ZFHX2: variants seen among roughly 807,000 people sequenced by gnomAD.
ZFHX2 encodes zinc finger homeobox protein 2.
ZFHX2 carries 75 observed loss-of-function variants against 164.8 expected under a neutral mutation model. That is an observed-to-expected ratio of 0.46 (90% CI 0.38 to 0.55). The LOEUF is 0.55. Ranked by LOEUF, ZFHX2 falls within the 20% of genes least tolerant of loss-of-function variation. The pLI is 0.00. For synonymous variants in ZFHX2, 1,217 were observed against 1,351.4 expected (o/e 0.90, Z 2.18); for missense variants, 2,933 against 3,308.0 (o/e 0.89, Z 2.78).
At position 23,546,568 on chromosome 14, in the gene ZFHX2, G is replaced by A. The variant is rs941406216; in HGVS notation, c.-50+4775C>T. Among the ~76,000 whole-genome samples the A allele has an allele frequency of 7.2e-5, 11 of 152,150 alleles. No homozygotes were observed. The highest frequency in any genetic ancestry group is 2.6e-4 in the Admixed American group (4 of 15,282). ...CTGAGAGCCCATGGGATTACCCTAC[G>A]GGGCTGGAAGTTACTTCTAAATCTT... On this transcript the variant is annotated intron_variant, in intron 1 of 9. Coordinates refer to ENST00000419474, the MANE Select transcript of ZFHX2 (RefSeq NM_033400.3). This position sits in a 1 kb window ranked among gnomAD's most constrained non-coding sequence, Gnocchi z 4.7.
chr14:23,529,845 G>A, intron 5 of ZFHX2, 77 bp from the exon 6 acceptor site: 3 of 1,429,354 alleles, frequency 2.1e-6, no homozygotes, highest in South Asian at 2.5e-5. Context: ...TTCCAGGGTA[G>A]GGAGTTGGGC....
Position 23,525,261 on chromosome 14 carries a change from C to T in ZFHX2, c.4681G>A (p.Gly1561Arg). 1 of 1,536,116 alleles carries T rather than the reference C, an allele frequency of 6.5e-7. No homozygotes were observed. The highest frequency in any genetic ancestry group is 8.7e-7 in the Non-Finnish European group (1 of 1,146,912). The change falls in exon 9 of 10, where the codon GGG (glycine) becomes AGG (arginine). Residue 1561 changes from glycine (G) to arginine (R), a missense_variant. By Grantham distance (125) the Gly-to-Arg change is moderately radical (BLOSUM62 -2). Coordinates refer to ENST00000419474, the MANE Select transcript of ZFHX2 (RefSeq NM_033400.3). This position sits in a 1 kb window ranked among gnomAD's most constrained non-coding sequence, Gnocchi z 5.9. Reference protein sequence around the residue: ...PFLVPEPEAGGTRAPEERSRA... With the variant: ...PFLVPEPEAGRTRAPEERSRA... ...CTTCGCTCTTCAGGGGCACGGGTCC[C>T]CCCTGCCTCAGGCTCTGGGACCAGG...
Position 23,524,774 on chromosome 14 carries a change from T to C in ZFHX2, c.5168A>G (p.Gln1723Arg). The change falls in exon 9 of 10, where the codon CAG becomes CGG. Residue 1723 changes from glutamine to arginine, a missense_variant. Transcript: ENST00000419474. This position sits in a 1 kb window ranked among gnomAD's most constrained non-coding sequence, Gnocchi z 5.6. The stretch of plus-strand genomic sequence containing the variant: ...AGGCCCTGCTGGAGGTTCAAGGCCC[T>C]GTTCCTCCTCTACTTCTTCTTCTTC... ...EVEEEEVEEE[Q>R]GLEPPAGPEG... is the part of the protein sequence containing the mutation. The C allele has an allele frequency of 6.5e-7, 1 of 1,536,582 alleles. No individual in the cohort carries two copies. Among genetic ancestry groups the C allele is most frequent in the Non-Finnish European group, 8.7e-7 (1 of 1,146,996 alleles).
At chr14:23,527,866 A>T in intron 6 of ZFHX2, 62 bp from the exon 7 acceptor site, 4 of 1,250,444 alleles carry the variant, frequency 3.2e-6, no homozygotes, top group Non-Finnish European at 4.4e-6. Flanking sequence ...ACCATCACAT[A>T]GTCCTTTGGA....
At position 23,526,221 on chromosome 14, in the gene ZFHX2, T is replaced by C. The variant is rs1269758638; in HGVS notation, c.3721A>G (p.Thr1241Ala). ...RGEAGAPPTT[T>A]AATDKPFKCT... ...TTAAAGGGCTTGTCTGTGGCAGCAG[T>C]GGTGGTGGGTGGGGCACCGGCCTCT... is the stretch of plus-strand genomic sequence containing the variant. The change falls in exon 9 of 10, where the codon ACT becomes GCT. Residue 1241 changes from threonine to alanine, a missense_variant. Coordinates refer to ENST00000419474, the MANE Select transcript of ZFHX2 (RefSeq NM_033400.3). 6.5e-7 allele frequency: 1 copy of C among 1,536,172 alleles called. No individual in the cohort carries two copies. Among genetic ancestry groups the C allele is most frequent in the South Asian group, 1.2e-5 (1 of 84,042 alleles).
chr14:23,521,701 G>A lies in ZFHX2; in HGVS notation c.*261C>T. ...AATCAGGGTGCCAAGATGGGTGTAT[G>A]TGTCTGTGAAGATGGGCAAGGGCTA... On this transcript the variant is annotated 3_prime_UTR_variant, in exon 10 of 10. Coordinates refer to ENST00000419474, the MANE Select transcript of ZFHX2 (RefSeq NM_033400.3). 1 of 519,494 alleles carries A rather than the reference G, an allele frequency of 1.9e-6. No homozygotes were observed. The highest frequency in any genetic ancestry group is 3.5e-5 in the East Asian group (1 of 28,472). 32.2% of individuals were successfully genotyped at this position (519,494 alleles called of 1,614,324 possible).
upstream of ZFHX2, among the ~76,000 whole-genome samples, chr14:23,555,203 T>G (rs183347506): frequency 6.6e-6 from 1 of 152,150 alleles, no homozygotes; most frequent in Non-Finnish European, 1.5e-5. Context: ...TTCTCCATGT[T>G]GGCCAGGCTG....
Position 23,533,446 on chromosome 14 carries a change from C to A in ZFHX2, c.1880G>T (p.Ser627Ile), listed in dbSNP as rs1374467817. The A allele has an allele frequency of 9.8e-6, 15 of 1,532,670 alleles. No homozygotes were observed. The highest frequency in any genetic ancestry group is 1.2e-5 in the Non-Finnish European group (14 of 1,144,672). The allele number at this position is 1,532,670 out of a possible 1,614,324, so 94.9% of individuals were successfully genotyped here. A position where few individuals can be genotyped will look rare whatever the true frequency, so the allele number is the denominator to read the frequency against. ...PPPPPGATPT[S>I]PPELFQYFGP... ...AAAGTACTGGAAGAGTTCAGGGGGG[C>A]TAGTGGGGGTAGCCCCTGGTGGGGG... Residue 627 changes from serine (S) to isoleucine (I), a missense_variant, in exon 2 of 10, where the codon AGC becomes ATC. Ser to Ile is a moderately radical substitution (Grantham distance 142, BLOSUM62 -2). Coordinates refer to ENST00000419474, the MANE Select transcript of ZFHX2 (RefSeq NM_033400.3). This position sits in a 1 kb window ranked among gnomAD's most constrained non-coding sequence, Gnocchi z 4.8.
chr14:23,529,848 A>T, intron 5 of ZFHX2, 80 bp from the exon 6 acceptor site: 1 of 1,405,690 alleles, frequency 7.1e-7, no homozygotes, highest in Non-Finnish European at 9.7e-7. Flanking sequence ...CAGGGTAGGG[A>T]GTTGGGCACT....
upstream of ZFHX2, among the ~76,000 whole-genome samples, chr14:23,552,132 G>A (rs917694216): frequency 6.6e-6 from 1 of 151,854 alleles, no homozygotes; most frequent in Non-Finnish European, 1.5e-5. Flanking sequence ...CTCCCCCCGC[G>A]AAATTGGGTA....
At position 23,526,123 on chromosome 14, in the gene ZFHX2, C is replaced by T; in HGVS notation, c.3819G>A (p.Gln1273=). The T allele has an allele frequency of 2.0e-6, 3 of 1,536,482 alleles. No individual in the cohort carries two copies. The highest frequency in any genetic ancestry group is 2.6e-6 in the Non-Finnish European group (3 of 1,146,940). Residue 1273 remains glutamine (Q), a synonymous_variant, in exon 9 of 10, where the codon CAG becomes CAA. Transcript: ENST00000419474. The part of the protein sequence containing the change: ...LEIHMRSVLH[Q]TRSRGTKTDS... ...CAGTCTTGGTTCCCCGAGAGCGAGTCTGATGCAGAACTGACCGCATGTGGA... is the reference window on the plus strand; with the variant it reads ...CAGTCTTGGTTCCCCGAGAGCGAGTTTGATGCAGAACTGACCGCATGTGGA...
chr14:23,528,846 C>T (rs1169022620), intron 6 of ZFHX2: 1 of 985,190 alleles, frequency 1.0e-6, no homozygotes, highest in East Asian at 1.1e-4. Context: ...GACTGCCAGA[C>T]CTACCCAGCC....
rs1879945350 is a variant in ZFHX2 at position 23,534,519 on chromosome 14, C to T, written c.807G>A (p.Gln269=). The T allele has an allele frequency of 6.5e-7, 1 of 1,536,028 alleles. No homozygotes were observed. Among genetic ancestry groups the T allele is most frequent in the African/African-American group, 1.4e-5 (1 of 73,030 alleles). Residue 269 remains glutamine (Q), a synonymous_variant, in exon 2 of 10, where the codon CAG becomes CAA. Transcript: ENST00000419474. The surrounding 1 kb of genome is among the most constrained non-coding windows in gnomAD (Gnocchi z 4.5). ...HGVKLTPAQY[Q]GLSGSPAVLQ... ...GTACAGCTGGGCTACCTGACAGGCC[C>T]TGATATTGGGCAGGGGTTAGCTTCA...
In ZFHX2 at chr14:23,534,598, C is replaced by T. The variant is rs529588153; in HGVS notation, c.728G>A (p.Arg243His). ...GGCCTGGGGCTTGCTGAAACCCAGG[C>T]GGCACAGAAGGCAGAGCCAGAAGAC... ...VAVFWLCLLC[R>H]LGFSKPQAFM... is the part of the protein sequence containing the mutation. The change falls in exon 2 of 10, where the codon CGC (arginine) becomes CAC (histidine). Residue 243 changes from arginine to histidine, a missense_variant. Arg to His is a conservative substitution (Grantham distance 29). Transcript: ENST00000419474. The surrounding 1 kb of genome is among the most constrained non-coding windows in gnomAD (Gnocchi z 4.5). 441 of 1,536,130 alleles carry T rather than the reference C, an allele frequency of 2.9e-4. No homozygotes were observed. The highest frequency in any genetic ancestry group is 2.5e-3 in the Middle Eastern group (15 of 5,986).
In ZFHX2 at chr14:23,534,861, C is replaced by T. The variant is rs147686537; in HGVS notation, c.465G>A (p.Leu155=). 7.3e-5 allele frequency: 112 copies of T among 1,536,110 alleles called. 1 individual carries two copies. The African/African-American group carries it at 1.2e-3, about 17-fold the overall frequency. The change falls in exon 2 of 10, where the codon CTG becomes CTA. Residue 155 remains leucine (L), a synonymous_variant. Transcript: ENST00000419474. This position sits in a 1 kb window ranked among gnomAD's most constrained non-coding sequence, Gnocchi z 4.5. The part of the protein sequence containing the change: ...GEAGIKEEPS[L]PFLAYPPPSH... ...AGGGGGGTGGGTAGGCAAGGAAGGG[C>T]AGACTGGGCTCTTCCTTGATGCCCG...
In ZFHX2 at chr14:23,524,548, G is replaced by A; in HGVS notation, c.5394C>T (p.Pro1798=). The part of the protein sequence containing the change: ...RRLHFLPSLQ[P]SAPPQLLDLP... Reference sequence around the variant, plus strand: ...GATCTAGGAGTTGGGGGGGAGCACTGGGCTGCAGAGATGGCAGGAAATGTA... The same window carrying A: ...GATCTAGGAGTTGGGGGGGAGCACTAGGCTGCAGAGATGGCAGGAAATGTA... The change falls in exon 9 of 10, where the codon CCC becomes CCT. Residue 1798 remains proline, a synonymous_variant. Transcript: ENST00000419474. The surrounding 1 kb of genome is among the most constrained non-coding windows in gnomAD (Gnocchi z 5.6). The A allele has an allele frequency of 6.5e-7, 1 of 1,530,284 alleles. No homozygotes were observed. Among genetic ancestry groups the A allele is most frequent in the South Asian group, 1.2e-5 (1 of 82,654 alleles). 94.8% of individuals were successfully genotyped at this position (1,530,284 alleles called of 1,614,324 possible).
At chr14:23,530,382 GT>G in intron 4 of ZFHX2, 188 bp from the exon 5 acceptor site, 1 of 699,796 alleles carries the variant, frequency 1.4e-6, no homozygotes, top group Non-Finnish European at 2.6e-6. Context: ...GAAAATTACA[GT>G]ATTAGAACTG....
In ZFHX2 at chr14:23,551,731, A is replaced by C. The variant is rs1050494954; in HGVS notation, c.-438T>G. On this transcript the variant is annotated 5_prime_UTR_variant, in exon 1 of 10. Transcript: ENST00000419474. The surrounding 1 kb of genome is among the most constrained non-coding windows in gnomAD (Gnocchi z 5.3). ...TCGCCCTCACTCCTCCGCCTCATTC[A>C]CTGGCTGGAGTCTAGGCGTCCCACA... 8.5e-5 allele frequency: 13 copies of C among 152,296 alleles called. No homozygotes were observed. Among genetic ancestry groups the C allele is most frequent in the Admixed American group, 7.3e-4 (11 of 15,158 alleles). The allele number at this position is 152,296 out of a possible 1,614,324, so 9.4% of individuals were successfully genotyped here.
At chr14:23,530,029 GCA>G in intron 5 of ZFHX2, 89 bp downstream of exon 5, 1 of 1,295,990 alleles carries the variant, frequency 7.7e-7, no homozygotes, top group South Asian at 1.3e-5. Flanking sequence ...TGCTCCTTGA[GCA>G]CAGACATTGC....
Sources: gnomAD v4.1 joint callset for allele counts (sites outside exome capture counted in the v4.1 genomes callset) on GRCh38, gnomAD v4.1.1 for gene constraint, Gnocchi (gnomAD v3.1) non-coding constraint, MANE v1.5 for transcripts, NCBI Gene and HGNC (gene_info 2026-07-23, HGNC 2026-07-21) for gene names.